Variants in DST observed in about 807,000 individuals in gnomAD.
DST encodes bullous pemphigoid antigen.
In DST, 253 loss-of-function variants were observed where a neutral mutation model predicts 875.2. The ratio of observed to expected loss-of-function variants is 0.29; its 90% CI spans 0.26 to 0.32. The LOEUF is 0.32. Among genes scored for constraint, DST ranks in the 10% least tolerant of loss-of-function variants. DST has a pLI of 1.00. For synonymous variants in DST, 3,124 were observed against 3,197.1 expected (o/e 0.98, Z 0.77); for missense variants, 8,287 against 9,111.6 (o/e 0.91, Z 3.68).
In DST at chr6:56,617,027, G is replaced by T. The variant is rs552708221; in HGVS notation, c.4930-2543C>A. On this transcript the variant is annotated intron_variant, in intron 36 of 103. Coordinates refer to ENST00000680361, the MANE Select transcript of DST (RefSeq NM_001374736.1). Reference sequence around the variant, plus strand: ...TGAGGCAAATGAAATCTTTTCTTTTGTAGATTCTAGGTAAAGCCCTGCAAT... The same window carrying T: ...TGAGGCAAATGAAATCTTTTCTTTTTTAGATTCTAGGTAAAGCCCTGCAAT... The T allele has an allele frequency of 3.7e-6, 6 of 1,613,050 alleles. No homozygotes were observed. The East Asian group carries it at 1.3e-4, about 36-fold the overall frequency.
chr6:56,954,331 G>C, intron 1 of DST, 76 bp downstream of exon 1: 1 of 1,157,652 alleles, frequency 8.6e-7, no homozygotes, highest in Non-Finnish European at 1.1e-6. Context: ...GGAGAAGGGA[G>C]CGAGCCGCGC....
intron 4 of DST, among the ~76,000 whole-genome samples, chr6:56,780,997 G>T (rs71564853): frequency 1.3e-5 from 2 of 152,168 alleles, no homozygotes; most frequent in African/African-American, 2.4e-5. Context: ...TTTCCCCATT[G>T]CTTGTTTTTC....
intron 2 of DST, among the ~76,000 whole-genome samples, chr6:56,934,560 T>TTATATATATATATATATATA (rs60018139): frequency 1.0e-4 from 11 of 106,484 alleles, no homozygotes; most frequent in African/African-American, 2.5e-4. Flanking sequence ...ATATATTATA[T>TTATATATATATATATATATA]TATATATATA....
intron 6 of DST, 94 bp downstream of exon 6, chr6:56,704,186 G>A (rs1246937735): frequency 6.9e-6 from 4 of 576,488 alleles, no homozygotes; most frequent in Non-Finnish European, 1.1e-5. Flanking sequence ...GATGAATGTT[G>A]CAAAAATCTG....
chr6:56,914,358 C>A (rs1799962569), intron 2 of DST, among the ~76,000 whole-genome samples: 1 of 152,152 alleles, frequency 6.6e-6, no homozygotes, highest in African/African-American at 2.4e-5. Flanking sequence ...ATTCCTTGGG[C>A]CAGTTGCTGA....
At chr6:56,954,326 A>C (rs959927267) in intron 1 of DST, 81 bp downstream of exon 1, 10 of 1,112,788 alleles carry the variant, frequency 9.0e-6, no homozygotes, top group Non-Finnish European at 1.2e-6. Flanking sequence ...GCCGAGGAGA[A>C]GGGAGCGAGC....
chr6:56,579,726 T>C lies in DST; in HGVS notation c.12904-789A>G, dbSNP rs148722520. Reference sequence around the variant, plus strand: ...GAGAAGGGGAGAGTCCCATCCAGTTTGACAATGCTTATGGGTGAGTAAATA... The same window carrying C: ...GAGAAGGGGAGAGTCCCATCCAGTTCGACAATGCTTATGGGTGAGTAAATA... On this transcript the variant is annotated intron_variant, in intron 49 of 103. Transcript: ENST00000680361. Among the ~76,000 whole-genome samples, 492 of 152,254 alleles carry C rather than the reference T, an allele frequency of 3.2e-3. 4 individuals carry two copies. Among genetic ancestry groups the C allele is most frequent in the African/African-American group, 0.011 (477 of 41,562 alleles).
At chr6:56,689,689 C>A (rs550338879) in intron 9 of DST, among the ~76,000 whole-genome samples, 13 of 152,262 alleles carry the variant, frequency 8.5e-5, no homozygotes, top group African/African-American at 3.1e-4. Flanking sequence ...AGAGCACCCA[C>A]CCTTATCTAT....
intron 37 of DST, among the ~76,000 whole-genome samples, chr6:56,613,398 T>C (rs2098566080): frequency 6.6e-6 from 1 of 152,166 alleles, no homozygotes; most frequent in Non-Finnish European, 1.5e-5. Context: ...ACTTGCCTCA[T>C]ATCACAGCCA....
chr6:56,498,580 T>C (rs908099990), intron 80 of DST, among the ~76,000 whole-genome samples: 1 of 152,112 alleles, frequency 6.6e-6, no homozygotes, highest in Non-Finnish European at 1.5e-5. Flanking sequence ...TTCTAAAATT[T>C]CTCACTTGGT....
At chr6:56,857,102 C>G (rs894156492) in intron 3 of DST, among the ~76,000 whole-genome samples, 7 of 151,858 alleles carry the variant, frequency 4.6e-5, no homozygotes, top group Non-Finnish European at 1.0e-4. Context: ...GCCTCGAACT[C>G]CTGGGCTCAA....
chr6:56,562,789 C>T (rs1209760025), intron 55 of DST, among the ~76,000 whole-genome samples: 1 of 151,072 alleles, frequency 6.6e-6, no homozygotes, highest in Admixed American at 6.6e-5. Context: ...ATCCCCGTAT[C>T]CATGTGTTCT....
chr6:56,804,064 T>C (rs535305462), intron 4 of DST, among the ~76,000 whole-genome samples: 12 of 152,212 alleles, frequency 7.9e-5, no homozygotes, highest in Non-Finnish European at 1.5e-4. Context: ...CTGCGTAAAT[T>C]TGAATATACT....
chr6:56,616,527 C>A, intron 36 of DST: 1 of 1,614,190 alleles, frequency 6.2e-7, no homozygotes, highest in Non-Finnish European at 8.5e-7. Context: ...TGGGACTCTA[C>A]ATCAAATACA....
chr6:56,463,721 T>C lies in DST; in HGVS notation c.22803A>G (p.Leu7601=), dbSNP rs745446799. The C allele has an allele frequency of 1.9e-6, 3 of 1,614,002 alleles. No individual in the cohort carries two copies. Among genetic ancestry groups the C allele is most frequent in the Non-Finnish European group, 1.7e-6 (2 of 1,179,900 alleles). ...TNMELREKFI[L]ADGASQGMAA... The stretch of plus-strand genomic sequence containing the variant: ...CCATACCCTGGCTGGCACCATCTGC[T>C]AAAATGAACTTCTCACGCAGTTCCA... The change falls in exon 101 of 104, where the codon TTA becomes TTG. Residue 7601 remains leucine (L), a synonymous_variant. Coordinates refer to ENST00000680361, the MANE Select transcript of DST (RefSeq NM_001374736.1).
chr6:56,626,957 A>AAT (rs2098740159), intron 34 of DST, among the ~76,000 whole-genome samples: 4 of 152,148 alleles, frequency 2.6e-5, no homozygotes, highest in Non-Finnish European at 1.5e-5. Context: ...ATAAGAAACC[A>AAT]ACTACAGAGC....
At chr6:56,572,335 G>A (rs1450002487) in intron 52 of DST, 69 bp from the exon 53 acceptor site, 4 of 1,107,654 alleles carry the variant, frequency 3.6e-6, no homozygotes, top group Non-Finnish European at 5.0e-6. Context: ...CCATCCAGAG[G>A]TCTGTGCGGG....
At chr6:56,943,577 G>C (rs1817843113) in intron 2 of DST, among the ~76,000 whole-genome samples, 1 of 148,262 alleles carries the variant, frequency 6.7e-6, no homozygotes, top group East Asian at 2.1e-4. Context: ...GGATTACAGG[G>C]GGCCCGCCAC....
chr6:56,720,993 C>CCAGA (rs1366449609), intron 5 of DST, among the ~76,000 whole-genome samples: 1 of 150,398 alleles, frequency 6.6e-6, no homozygotes, highest in Non-Finnish European at 1.5e-5. Flanking sequence ...CCGCCACCTT[C>CCAGA]CAGACGGGGC....
Sources: allele counts gnomAD v4.1 joint callset (sites outside exome capture counted in the v4.1 genomes callset), GRCh38; gene constraint gnomAD v4.1.1; transcripts MANE v1.5; gene names NCBI Gene and HGNC (gene_info 2026-07-23, HGNC 2026-07-21).